Variants in DNAH17 observed in about 807,000 individuals in gnomAD.
DNAH17 encodes dynein axonemal heavy chain 17.
In DNAH17, 376 loss-of-function variants were observed where a neutral mutation model predicts 485.6. That is an observed-to-expected ratio of 0.77 (90% CI 0.71 to 0.84). The LOEUF is 0.84. DNAH17 is among the 40% of genes least tolerant of loss of function. The pLI is 0.00. For missense variants in DNAH17, 6,370 were observed against 5,839.3 expected (o/e 1.09, Z -2.96); for synonymous variants, 3,031 against 2,405.9 (o/e 1.26, Z -7.60).
At chr17:78,539,319 CA>C (rs2091460460) in intron 18 of DNAH17, among the ~76,000 whole-genome samples, 1 of 152,184 alleles carries the variant, frequency 6.6e-6, no homozygotes, top group Admixed American at 6.5e-5. Context: ...TTAACCAGCA[CA>C]ACCTCTTTGC....
At chr17:78,565,244 G>C (rs1009397145) in intron 11 of DNAH17, among the ~76,000 whole-genome samples, 1 of 152,204 alleles carries the variant, frequency 6.6e-6, no homozygotes, top group African/African-American at 2.4e-5. Flanking sequence ...TCTGAATCAA[G>C]TCAGCCTCAT....
intron 25 of DNAH17, among the ~76,000 whole-genome samples, chr17:78,518,329 T>C (rs1292047946): frequency 2.0e-5 from 3 of 151,714 alleles, no homozygotes; most frequent in Non-Finnish European, 2.9e-5. Flanking sequence ...TCAAAAACAA[T>C]AGAAAAAACA....
At chr17:78,460,125 C>G in intron 59 of DNAH17, 37 bp downstream of exon 59, 1 of 1,581,566 alleles carries the variant, frequency 6.3e-7, no homozygotes, top group Non-Finnish European at 8.6e-7. Context: ...CCTCTCCAAC[C>G]AGGCCAGGGG....
intron 54 of DNAH17, among the ~76,000 whole-genome samples, 181 bp downstream of exon 54, chr17:78,475,097 G>C (rs190541041): frequency 6.6e-6 from 1 of 152,236 alleles, no homozygotes; most frequent in East Asian, 1.9e-4. Context: ...ACACGGGCAC[G>C]CACGCTGGCT....
At position 78,570,273 on chromosome 17, in the gene DNAH17, C is replaced by T. The variant is rs866018949; in HGVS notation, c.1018G>A (p.Glu340Lys). The change falls in exon 7 of 81, where the codon GAG becomes AAG. Residue 340 changes from glutamate to lysine, a missense_variant. Physicochemically the swap from Glu to Lys is moderately conservative, Grantham distance 56. Coordinates refer to ENST00000389840, the MANE Select transcript of DNAH17 (RefSeq NM_173628.4). ...ATCTCGATGATTTGGTTGCAGAACT[C>T]CTGCAGGATGACGATGATCCTGGCA... ...TPARIIVILQEFCNQIIEMTR... is the reference protein window; with the variant it reads ...TPARIIVILQKFCNQIIEMTR... The T allele has an allele frequency of 6.3e-7, 1 of 1,592,896 alleles. No individual in the cohort carries two copies. Among genetic ancestry groups the T allele is most frequent in the Non-Finnish European group, 8.5e-7 (1 of 1,169,868 alleles).
chr17:78,431,763 A>C (rs2086684428), intron 75 of DNAH17, among the ~76,000 whole-genome samples: 1 of 152,054 alleles, frequency 6.6e-6, no homozygotes, highest in South Asian at 2.1e-4. Flanking sequence ...CCACATCAGG[A>C]CACAGCTCCT....
chr17:78,549,960 G>A (rs1282303376), intron 16 of DNAH17, among the ~76,000 whole-genome samples: 2 of 152,198 alleles, frequency 1.3e-5, no homozygotes, highest in African/African-American at 4.8e-5. Context: ...AGGAGGCTGG[G>A]TGAGCATTGC....
At chr17:78,542,089 CACT>C (rs1353944918) in intron 17 of DNAH17, among the ~76,000 whole-genome samples, 1 of 151,124 alleles carries the variant, frequency 6.6e-6, no homozygotes, top group African/African-American at 2.4e-5. Context: ...AAGTCCACAC[CACT>C]GATTTGCACC....
rs1440512572 is a variant in DNAH17, at chr17:78,425,352, T to C, written c.13135A>G (p.Met4379Val). 5.0e-6 allele frequency: 8 copies of C among 1,613,834 alleles called. No homozygotes were observed. Among genetic ancestry groups the C allele is most frequent in the South Asian group, 1.1e-5 (1 of 91,074 alleles). ...AGACAAGAGCCCTCCTTACCTTCCATGAAGAGTCCGTACACGTAGGAGCCC... is the reference window on the plus strand; with the variant it reads ...AGACAAGAGCCCTCCTTACCTTCCACGAAGAGTCCGTACACGTAGGAGCCC... ...REGSYVYGLF[M>V]EGARWDTQTG... The change falls in exon 80 of 81, where the codon ATG becomes GTG. Residue 4379 changes from methionine (M) to valine (V), a missense_variant. Transcript: ENST00000389840.
chr17:78,437,504 G>T, intron 74 of DNAH17, 137 bp downstream of exon 74: 1 of 586,994 alleles, frequency 1.7e-6, no homozygotes. Context: ...ACTGCGAGGG[G>T]TGTGTGGACA....
chr17:78,450,777 G>A lies in DNAH17; in HGVS notation c.10804C>T (p.Arg3602Cys), dbSNP rs568734889. 9.7e-5 allele frequency: 156 copies of A among 1,614,014 alleles called. No homozygotes were observed. The highest frequency in any genetic ancestry group is 1.1e-4 in the Non-Finnish European group (134 of 1,179,894). Residue 3602 changes from arginine to cysteine, a missense_variant, in exon 67 of 81, where the codon CGT becomes TGT. By Grantham distance (180) the Arg-to-Cys change is radical (BLOSUM62 -3). Coordinates refer to ENST00000389840, the MANE Select transcript of DNAH17 (RefSeq NM_173628.4). ...AAGTTCCCCGACGCAGCCGACAGACGGGCCAGGAGCGAATCTTCCAGCTCT... is the reference window on the plus strand; with the variant it reads ...AAGTTCCCCGACGCAGCCGACAGACAGGCCAGGAGCGAATCTTCCAGCTCT... ...LKELEDSLLA[R>C]LSAASGNFLG...
At chr17:78,523,682 G>T (rs2090991468) in intron 25 of DNAH17, among the ~76,000 whole-genome samples, 3 of 152,218 alleles carry the variant, frequency 2.0e-5, no homozygotes, top group African/African-American at 7.2e-5. Context: ...GAGACGGATG[G>T]ATCGCTTGAG....
chr17:78,471,457 T>G (rs1042847439), intron 54 of DNAH17, among the ~76,000 whole-genome samples: 2 of 152,206 alleles, frequency 1.3e-5, no homozygotes, highest in African/African-American at 2.4e-5. Context: ...ACTCTTCTCA[T>G]TTCACAGTGT....
intron 20 of DNAH17, among the ~76,000 whole-genome samples, chr17:78,532,048 T>A (rs2091254744): frequency 6.6e-6 from 1 of 152,134 alleles, no homozygotes; most frequent in South Asian, 2.1e-4. Flanking sequence ...CTCACAGGGT[T>A]TTACCTTCTG....
chr17:78,432,137 C>T (rs1453369104), intron 75 of DNAH17, among the ~76,000 whole-genome samples: 1 of 151,752 alleles, frequency 6.6e-6, no homozygotes, highest in Non-Finnish European at 1.5e-5. Flanking sequence ...TGTGATTGTG[C>T]CACTGCACTC....
chr17:78,530,177 C>T (rs918333025), intron 21 of DNAH17, among the ~76,000 whole-genome samples, 166 bp downstream of exon 21: 1 of 152,252 alleles, frequency 6.6e-6, no homozygotes, highest in African/African-American at 2.4e-5. Context: ...AGCCCGGTGA[C>T]ACCTTTCTGC....
rs530972886 is a variant in DNAH17, at chr17:78,571,051, A to T, written c.833-18T>A. The T allele has an allele frequency of 5.2e-5, 81 of 1,560,212 alleles. No individual in the cohort carries two copies. The highest frequency in any genetic ancestry group is 6.9e-5 in the Non-Finnish European group (80 of 1,151,200). On this transcript the variant is annotated intron_variant, in intron 5 of 80. Coordinates refer to ENST00000389840, the MANE Select transcript of DNAH17 (RefSeq NM_173628.4). The stretch of plus-strand genomic sequence containing the variant: ...CTTCAGCCCTGCACGGAACAAGAAC[A>T]AGTGCCCACCGGTAAGAGAGCAGAA...
chr17:78,514,633 G>A lies in DNAH17; in HGVS notation c.4113+141C>T. 3 of 1,171,214 alleles carry A rather than the reference G, an allele frequency of 2.6e-6. No individual in the cohort carries two copies. The South Asian group carries it at 4.8e-5, about 19-fold the overall frequency. 72.6% of individuals were successfully genotyped at this position (1,171,214 alleles called of 1,614,324 possible). ...CCCAGTGTGACTGCGCAGGTCACTT[G>A]TGCACGAAGCCAGCCCTGCCCACAT... On this transcript the variant is annotated intron_variant, in intron 26 of 80. Transcript: ENST00000389840.
Position 78,426,926 on chromosome 17 carries a change from CTTCAGCCCCAGG to C in DNAH17, c.12759_12770del (p.Asn4253_Leu4256del). The C allele has an allele frequency of 1.2e-6, 2 of 1,601,226 alleles. No homozygotes were observed. Among genetic ancestry groups the C allele is most frequent in the Non-Finnish European group, 1.7e-6 (2 of 1,173,870 alleles). ...TGGGGCCGGGCTGACCCATGTTTAC[CTTCAGCCCCAGG>C]TTCAGCTCCTTGAGCGAACGGCGCA... On this transcript the variant is annotated inframe_deletion and splice_region_variant, in exon 78 of 81. Transcript: ENST00000389840.
Sources: gnomAD v4.1 joint callset for allele counts (sites outside exome capture counted in the v4.1 genomes callset) on GRCh38, gnomAD v4.1.1 for gene constraint, MANE v1.5 for transcripts, NCBI Gene and HGNC (gene_info 2026-07-23, HGNC 2026-07-21) for gene names.